Variants in EEF1D observed in about 807,000 individuals in gnomAD.
The protein encoded by EEF1D is elongation factor 1-delta.
A neutral mutation model predicts 63.9 loss-of-function variants in EEF1D; 47 were observed. The observed-to-expected ratio is 0.74, with a 90% confidence interval of 0.58 to 0.94. The LOEUF is 0.94. EEF1D is among the 40% of genes least tolerant of loss of function. EEF1D has a pLI of 0.00. For synonymous variants in EEF1D, 412 were observed against 386.1 expected (o/e 1.07, Z -0.79); for missense variants, 907 against 899.0 (o/e 1.01, Z -0.11).
chr8:143,590,156 C>G, intron 2 of EEF1D, 75 bp from the exon 3 acceptor site: 2 of 1,587,838 alleles, frequency 1.3e-6, no homozygotes, highest in East Asian at 4.5e-5. Flanking sequence ...CCCGTGCCCA[C>G]CCTCCCCGTG....
At chr8:143,586,605 C>T (rs1363882740) in intron 4 of EEF1D, 124 bp downstream of exon 4, 2 of 1,402,996 alleles carry the variant, frequency 1.4e-6, no homozygotes, top group East Asian at 2.3e-5. Context: ...ACTCCCAGCA[C>T]CCACAGCAGA....
intron 5 of EEF1D, chr8:143,581,959 T>C (rs1825638714): frequency 6.6e-6 from 1 of 152,524 alleles, no homozygotes; most frequent in African/African-American, 2.4e-5. Context: ...CTTAAGCATC[T>C]ACCTGCACGC....
rs1232750794 is a variant in EEF1D, at chr8:143,588,862, G to A, written c.1091+129C>T. On this transcript the variant is annotated intron_variant, in intron 3 of 9. Transcript: ENST00000618139. Reference sequence around the variant, plus strand: ...GCCTGCTCCTGCATTCAACTCTGCTGGGCCCACGGGTCTCGGGGAGCCCCC... The same window carrying A: ...GCCTGCTCCTGCATTCAACTCTGCTAGGCCCACGGGTCTCGGGGAGCCCCC... 36 of 1,260,010 alleles carry A rather than the reference G, an allele frequency of 2.9e-5. No homozygotes were observed. In the Admixed American group the frequency reaches 1.0e-3, roughly 35 times the overall value. 78.1% of individuals were successfully genotyped at this position (1,260,010 alleles called of 1,614,324 possible).
chr8:143,580,701 C>A lies in EEF1D; in HGVS notation c.1515G>T (p.Glu505Asp). The change falls in exon 8 of 10, where the codon GAG (glutamate) becomes GAT (aspartate). Residue 505 changes from glutamate to aspartate, a missense_variant. Physicochemically the swap from Glu to Asp is conservative, Grantham distance 45. Transcript: ENST00000618139. ...GTGTGGCTGGCTTCTTGGCTGGGGGCTCCACTTGGCGCATGGGAGATACGT... is the reference window on the plus strand; with the variant it reads ...GTGTGGCTGGCTTCTTGGCTGGGGGATCCACTTGGCGCATGGGAGATACGT... The part of the protein sequence containing the change: ...TQHVSPMRQV[E>D]PPAKKPATPA... 1.2e-6 allele frequency: 2 copies of A among 1,613,622 alleles called. No homozygotes were observed. The highest frequency in any genetic ancestry group is 1.7e-6 in the Non-Finnish European group (2 of 1,180,002).
At chr8:143,588,049 C>T (rs927984211) in intron 3 of EEF1D, among the ~76,000 whole-genome samples, 4 of 152,210 alleles carry the variant, frequency 2.6e-5, no homozygotes, top group Non-Finnish European at 5.9e-5. Context: ...CCTCTGCGTC[C>T]CTGACCCAGG....
intron 1 of EEF1D, chr8:143,594,025 G>A (rs936759591): frequency 1.7e-6 from 1 of 594,280 alleles, no homozygotes; most frequent in Non-Finnish European, 2.1e-6. Flanking sequence ...CCGACAAACG[G>A]TCAGCCCCTT....
rs763950443 is a variant in EEF1D, at chr8:143,581,104, C to T, written c.1438G>A (p.Val480Met). The stretch of plus-strand genomic sequence containing the variant: ...TGGCCAGGCGAGCTCTTCTCCAGCA[C>T]GTTCAGCCGGGCCTCCAGCTTGGAG... ...AISKLEARLN[V>M]LEKSSPGHRA... is the part of the protein sequence containing the mutation. The change falls in exon 7 of 10, where the codon GTG (valine) becomes ATG (methionine). Residue 480 changes from valine (V) to methionine (M), a missense_variant. By Grantham distance (21) the Val-to-Met change is conservative. Coordinates refer to ENST00000618139, the MANE Select transcript of EEF1D (RefSeq NM_001130053.5). 27 of 1,612,698 alleles carry T rather than the reference C, an allele frequency of 1.7e-5. No homozygotes were observed. In the East Asian group the frequency reaches 5.6e-4, roughly 33 times the overall value.
chr8:143,592,218 G>A (rs538686231), intron 2 of EEF1D: 54 of 985,532 alleles, frequency 5.5e-5, no homozygotes, highest in African/African-American at 5.4e-4. Flanking sequence ...CCATGGAGCC[G>A]TGCAGGTCCC....
intron 2 of EEF1D, 138 bp from the exon 3 acceptor site, chr8:143,590,219 G>T: frequency 9.7e-7 from 1 of 1,026,988 alleles, no homozygotes; most frequent in Non-Finnish European, 1.3e-6. Context: ...ATGCTCCCCA[G>T]TGGGGCTTCC....
At position 143,580,597 on chromosome 8, in the gene EEF1D, A is replaced by G. The variant is rs1346761366; in HGVS notation, c.1619T>C (p.Leu540Pro). 6.2e-7 allele frequency: 1 copy of G among 1,613,712 alleles called. No individual in the cohort carries two copies. The highest frequency in any genetic ancestry group is 2.2e-5 in the East Asian group (1 of 44,882). ...GTACTGCCGTAGCCGCTCCTCCCGCAGCTGTGCCGCCTCCTTGTCCTCCTC... is the reference window on the plus strand; with the variant it reads ...GTACTGCCGTAGCCGCTCCTCCCGCGGCTGTGCCGCCTCCTTGTCCTCCTC... ...NEEEDKEAAQLREERLRQYAE... is the reference protein window; with the variant it reads ...NEEEDKEAAQPREERLRQYAE... The change falls in exon 8 of 10, where the codon CTG becomes CCG. Residue 540 changes from leucine to proline, a missense_variant. Leu to Pro is a moderately conservative substitution (Grantham distance 98). Transcript: ENST00000618139.
rs138931466 is a variant in EEF1D at position 143,589,836 on chromosome 8, C to T, written c.246G>A (p.Lys82=). The change falls in exon 3 of 10, where the codon AAG becomes AAA. Residue 82 remains lysine (K), a synonymous_variant. Transcript: ENST00000618139. Reference sequence around the variant, plus strand: ...AGCGCTTCCTCTTTTTCTGCAGGGGCTTCCTGCTGTCCTGGCTCTTCCTGG... The same window carrying T: ...AGCGCTTCCTCTTTTTCTGCAGGGGTTTCCTGCTGTCCTGGCTCTTCCTGG... The part of the protein sequence containing the change: ...RDPRKSQDSR[K]PLQKKRKRSP... 1.6e-5 allele frequency: 26 copies of T among 1,604,376 alleles called. No homozygotes were observed. The African/African-American group carries it at 2.1e-4, about 13-fold the overall frequency.
Position 143,581,272 on chromosome 8 carries a change from G to T in EEF1D, c.1344C>A (p.Val448=). 6.2e-7 allele frequency: 1 copy of T among 1,612,548 alleles called. No homozygotes were observed. Among genetic ancestry groups the T allele is most frequent in the Non-Finnish European group, 8.5e-7 (1 of 1,179,978 alleles). ...TCTCCACTTCCAGACTGGCAATCCG[G>T]ACGACGAGCTCACCGTGGTCTCCGC... ...GTSGDHGELV[V]RIASLEVENQ... The change falls in exon 6 of 10, where the codon GTC becomes GTA. Residue 448 remains valine (V), a synonymous_variant. Coordinates refer to ENST00000618139, the MANE Select transcript of EEF1D (RefSeq NM_001130053.5).
In EEF1D at chr8:143,586,806, C is replaced by A. The variant is rs923259301; in HGVS notation, c.1138G>T (p.Asp380Tyr). 6.2e-7 allele frequency: 1 copy of A among 1,614,184 alleles called. No individual in the cohort carries two copies. The highest frequency in any genetic ancestry group is 2.2e-5 in the East Asian group (1 of 44,894). The change falls in exon 4 of 10, where the codon GAC (aspartate) becomes TAC (tyrosine). Residue 380 changes from aspartate (D) to tyrosine (Y), a missense_variant. Transcript: ENST00000618139. ...NFLAHEKIWFDKFKYDDAERR... is the reference protein window; with the variant it reads ...NFLAHEKIWFYKFKYDDAERR... ...TCTGCGTCGTCATATTTGAACTTGTCGAACCAGATCTTCTCATGTGCTAGG... is the reference window on the plus strand; with the variant it reads ...TCTGCGTCGTCATATTTGAACTTGTAGAACCAGATCTTCTCATGTGCTAGG...
intron 8 of EEF1D, 78 bp from the exon 9 acceptor site, chr8:143,580,284 C>CAA: frequency 6.9e-7 from 1 of 1,445,888 alleles, no homozygotes; most frequent in East Asian, 2.4e-5. Context: ...ACCCTACCCT[C>CAA]AACCACTGTG....
intron 4 of EEF1D, 41 bp from the exon 5 acceptor site, chr8:143,586,331 T>G: frequency 6.9e-7 from 1 of 1,458,880 alleles, no homozygotes; most frequent in Non-Finnish European, 9.1e-7. Context: ...TTTTTATTAT[T>G]AAAAAAGAAT....
In EEF1D at chr8:143,589,208, G is replaced by C. The variant is rs1352073909; in HGVS notation, c.874C>G (p.Arg292Gly). ...NILGNKRAGLRRADGEAPSAL... is the reference protein window; with the variant it reads ...NILGNKRAGLGRADGEAPSAL... ...GAGGGGGCCTCCCCATCGGCCCGTCGCAGCCCGGCCCGCTTGTTCCCTAAG... is the reference window on the plus strand; with the variant it reads ...GAGGGGGCCTCCCCATCGGCCCGTCCCAGCCCGGCCCGCTTGTTCCCTAAG... The change falls in exon 3 of 10, where the codon CGA becomes GGA. Residue 292 changes from arginine (R) to glycine (G), a missense_variant. Physicochemically the swap from Arg to Gly is moderately radical, Grantham distance 125 (BLOSUM62 -2). Transcript: ENST00000618139. 6.3e-7 allele frequency: 1 copy of C among 1,586,956 alleles called. No individual in the cohort carries two copies. The highest frequency in any genetic ancestry group is 8.6e-7 in the Non-Finnish European group (1 of 1,165,392).
intron 5 of EEF1D, chr8:143,584,366 C>T (rs965113628): frequency 7.2e-6 from 1 of 139,152 alleles, no homozygotes; most frequent in Non-Finnish European, 1.5e-5. Context: ...GCCTGGCCAA[C>T]ATGGCGAAAC....
Position 143,588,075 on chromosome 8 carries a change from G to A in EEF1D, c.1091+916C>T, listed in dbSNP as rs1214485093. On this transcript the variant is annotated intron_variant, in intron 3 of 9. Transcript: ENST00000618139. Reference sequence around the variant, plus strand: ...CTGACCCAGGACACTCTCTCGGCAAGGAGGGACCAGGCCACCGTGAACACC... The same window carrying A: ...CTGACCCAGGACACTCTCTCGGCAAAGAGGGACCAGGCCACCGTGAACACC... Among the ~76,000 whole-genome samples the A allele has an allele frequency of 2.0e-5, 3 of 152,324 alleles. No homozygotes were observed. In the East Asian group the frequency reaches 5.8e-4, roughly 29 times the overall value.
At chr8:143,592,722 GAC>G (rs1828178492) in intron 1 of EEF1D, 62 bp from the exon 2 acceptor site, 108 of 985,512 alleles carry the variant, frequency 1.1e-4, no homozygotes, top group Non-Finnish European at 1.3e-4. Flanking sequence ...AACCGGGTCA[GAC>G]ACAGCAGCAG....
Sources: allele counts gnomAD v4.1 joint callset (sites outside exome capture counted in the v4.1 genomes callset), GRCh38; gene constraint gnomAD v4.1.1; transcripts MANE v1.5; gene names NCBI Gene and HGNC (gene_info 2026-07-23, HGNC 2026-07-21).